The following NDST4 variants were observed in gnomAD, a reference collection of about 807,000 sequenced individuals.
NDST4 encodes the protein N-deacetylase and N-sulfotransferase 4.
In NDST4, 63 loss-of-function variants were observed where a neutral mutation model predicts 100.8. The ratio of observed to expected loss-of-function variants is 0.62; its 90% CI spans 0.51 to 0.77. NDST4 has a LOEUF of 0.77. NDST4 is among the 30% of genes least tolerant of loss of function. The probability of loss-of-function intolerance (pLI) is 0.00; values close to 1 mark genes in which losing one functional copy is unlikely to be tolerated. For synonymous variants in NDST4, 377 were observed against 361.8 expected (o/e 1.04, Z -0.48); for missense variants, 943 against 1,018.4 (o/e 0.93, Z 1.01).
At chr4:114,932,800 C>T (rs1016724354) in intron 6 of NDST4, among the ~76,000 whole-genome samples, 1 of 151,870 alleles carries the variant, frequency 6.6e-6, no homozygotes, top group Non-Finnish European at 1.5e-5. Context: ...ATACCAAAAA[C>T]TATAAAATAT....
chr4:114,978,447 A>C (rs990390778), intron 2 of NDST4, among the ~76,000 whole-genome samples: 1 of 152,128 alleles, frequency 6.6e-6, no homozygotes, highest in South Asian at 2.1e-4. Flanking sequence ...CAAGACCACA[A>C]TTAGACTGGG....
At chr4:114,831,207 G>T (rs57708177) in intron 12 of NDST4, among the ~76,000 whole-genome samples, 1 of 142,638 alleles carries the variant, frequency 7.0e-6, no homozygotes, top group African/African-American at 2.8e-5. Flanking sequence ...CGCCCGCCAC[G>T]GCGCCCGGCT....
intron 10 of NDST4, among the ~76,000 whole-genome samples, chr4:114,843,645 T>C (rs973198257): frequency 2.0e-5 from 3 of 152,198 alleles, no homozygotes; most frequent in African/African-American, 7.2e-5. Context: ...CCTAATGGTT[T>C]GATTTTTTAG....
intron 6 of NDST4, among the ~76,000 whole-genome samples, chr4:114,899,190 TG>T (rs1282005256): frequency 1.3e-5 from 2 of 152,144 alleles, no homozygotes; most frequent in East Asian, 3.9e-4. Context: ...TTTTTGTTTT[TG>T]TTTTTAGATG....
chr4:114,878,067 AAAG>A (rs1724293921), intron 6 of NDST4, among the ~76,000 whole-genome samples: 1 of 152,192 alleles, frequency 6.6e-6, no homozygotes, highest in East Asian at 1.9e-4. Flanking sequence ...AAAAAGAAAC[AAAG>A]AAAAGCTCCA....
chr4:114,853,988 T>TG (rs35134439), intron 7 of NDST4, among the ~76,000 whole-genome samples: 6,396 of 152,274 alleles, frequency 0.042, 388 homozygotes, highest in South Asian at 0.17. Flanking sequence ...TTTATGCTTT[T>TG]GTTATTTTAA....
chr4:114,845,011 C>T (rs1278567071), intron 10 of NDST4, among the ~76,000 whole-genome samples: 1 of 151,834 alleles, frequency 6.6e-6, no homozygotes, highest in Non-Finnish European at 1.5e-5. Flanking sequence ...CAGAGAAAAA[C>T]ATCATAATTG....
intron 2 of NDST4, among the ~76,000 whole-genome samples, chr4:114,992,697 A>G (rs1171476209): frequency 6.6e-6 from 1 of 151,924 alleles, no homozygotes; most frequent in Non-Finnish European, 1.5e-5. Context: ...AATTTTCAAA[A>G]GGTCATTATA....
At chr4:115,036,180 A>T (rs1578472892) in intron 2 of NDST4, among the ~76,000 whole-genome samples, 1 of 151,786 alleles carries the variant, frequency 6.6e-6, no homozygotes, top group East Asian at 1.9e-4. Context: ...ATACATTTTT[A>T]TCTGGTTGGA....
intron 2 of NDST4, among the ~76,000 whole-genome samples, chr4:115,074,247 A>G (rs543067368): frequency 6.6e-6 from 1 of 152,010 alleles, no homozygotes; most frequent in South Asian, 2.1e-4. Flanking sequence ...TTTGAGTAGC[A>G]GTGAGTGACA....
At chr4:114,938,449 T>C (rs1403122455) in intron 4 of NDST4, among the ~76,000 whole-genome samples, 1 of 152,234 alleles carries the variant, frequency 6.6e-6, no homozygotes, top group African/African-American at 2.4e-5. Context: ...TCTGCAGTTT[T>C]CTAATTTCTG....
chr4:114,866,557 G>T (rs1220397024), intron 7 of NDST4, among the ~76,000 whole-genome samples: 1 of 152,060 alleles, frequency 6.6e-6, no homozygotes, highest in Non-Finnish European at 1.5e-5. Flanking sequence ...CTCTGCTTTT[G>T]GTTATTCTTT....
At chr4:114,970,623 T>G in intron 3 of NDST4, 39 bp from the exon 4 acceptor site, 5 of 1,559,068 alleles carry the variant, frequency 3.2e-6, no homozygotes, top group Non-Finnish European at 4.4e-6. Context: ...TAGTGAAAAT[T>G]TCTTACTATC....
chr4:115,005,290 TATC>T (rs1259807826), intron 2 of NDST4, among the ~76,000 whole-genome samples: 1 of 152,160 alleles, frequency 6.6e-6, no homozygotes, highest in East Asian at 1.9e-4. Flanking sequence ...CATTACATAA[TATC>T]ATAGAGATTA....
Position 115,076,212 on chromosome 4 carries a change from C to A in NDST4, c.825G>T (p.Leu275Phe), listed in dbSNP as rs926994599. The change falls in exon 2 of 14, where the codon TTG (leucine) becomes TTT (phenylalanine). Residue 275 changes from leucine (L) to phenylalanine (F), a missense_variant. Physicochemically the swap from Leu to Phe is conservative, Grantham distance 22. Around this residue, in one of 2 missense-constraint regions of NDST4, gnomAD observed 417 missense variants for 384.2 expected, o/e 1.09. Transcript: ENST00000264363. ...GIQRVLFGNN[L>F]NFWLHKLIFI... ...AGATGAGCTTGTGCAGCCAAAAGTTCAAGTTGTTGCCAAAAAGTACTCTCT... is the reference window on the plus strand; with the variant it reads ...AGATGAGCTTGTGCAGCCAAAAGTTAAAGTTGTTGCCAAAAAGTACTCTCT... The A allele has an allele frequency of 6.2e-7, 1 of 1,613,840 alleles. No individual in the cohort carries two copies. Among genetic ancestry groups the A allele is most frequent in the Non-Finnish European group, 8.5e-7 (1 of 1,179,946 alleles).
intron 12 of NDST4, 118 bp from the exon 13 acceptor site, chr4:114,830,010 T>G (rs1298896992): frequency 9.9e-6 from 7 of 704,926 alleles, no homozygotes; most frequent in African/African-American, 3.7e-5. Context: ...TTTAATTCAT[T>G]TTTACAGATA....
chr4:114,850,831 A>T (rs970757593), intron 8 of NDST4, among the ~76,000 whole-genome samples: 4 of 152,166 alleles, frequency 2.6e-5, no homozygotes, highest in African/African-American at 9.6e-5. Flanking sequence ...CAATACCAGA[A>T]TTTGACTCTG....
intron 2 of NDST4, among the ~76,000 whole-genome samples, chr4:115,074,386 A>G (rs517231): frequency 0.75 from 113,376 of 151,888 alleles, 43,540 homozygotes; most frequent in African/African-American, 0.93. Flanking sequence ...TATTTTTAGC[A>G]TGTGAAGATA....
In NDST4 at chr4:115,063,704, C is replaced by T. The variant is rs112056038; in HGVS notation, c.978+12355G>A. 8.2e-3 allele frequency among the ~76,000 whole-genome samples: 1,250 copies of T among 151,866 alleles called. 21 individuals carry two copies. The highest frequency in any genetic ancestry group is 0.028 in the African/African-American group (1,163 of 41,466). On this transcript the variant is annotated intron_variant, in intron 2 of 13. Transcript: ENST00000264363. ...ACAGAGAATGACAAAGCATAGAAAACCAACCAGAAAATATCCCAGTGGACT... is the reference window on the plus strand; with the variant it reads ...ACAGAGAATGACAAAGCATAGAAAATCAACCAGAAAATATCCCAGTGGACT...
Sources: gnomAD v4.1 joint callset for allele counts (sites outside exome capture counted in the v4.1 genomes callset) on GRCh38, gnomAD v4.1.1 for gene constraint, gnomAD v4.1.1 regional missense constraint, MANE v1.5 for transcripts, NCBI Gene and HGNC (gene_info 2026-07-23, HGNC 2026-07-21) for gene names.